The following STPG2 variants were observed in gnomAD, a reference collection of about 807,000 sequenced individuals.
The protein encoded by STPG2 is sperm tail PG-rich repeat containing 2.
Under a neutral mutation model 54.2 loss-of-function variants are expected in STPG2, and 56 were observed. That is an observed-to-expected ratio of 1.03 (90% confidence interval 0.83 to 1.29). STPG2 has a LOEUF of 1.29. Ranked by LOEUF, STPG2 falls within the 50% of genes most tolerant of loss-of-function variation. STPG2 has a pLI of 0.00. For synonymous variants in STPG2, 200 were observed against 181.8 expected (o/e 1.10, Z -0.81); for missense variants, 596 against 544.9 (o/e 1.09, Z -0.93).
intron 5 of STPG2, among the ~76,000 whole-genome samples, chr4:98,098,274 T>C (rs973158752): frequency 1.3e-5 from 2 of 151,854 alleles, no homozygotes; most frequent in African/African-American, 4.8e-5. Context: ...AAAACAGACA[T>C]GTACACTAAC....
intron 4 of STPG2, among the ~76,000 whole-genome samples, chr4:97,508,021 A>G (rs1730890096): frequency 6.6e-6 from 1 of 151,966 alleles, no homozygotes. Flanking sequence ...TCTTCTAACC[A>G]TGTGGTTAGT....
At chr4:97,863,909 A>T (rs1466342338) in intron 8 of STPG2, among the ~76,000 whole-genome samples, 1 of 152,208 alleles carries the variant, frequency 6.6e-6, no homozygotes, top group Non-Finnish European at 1.5e-5. Flanking sequence ...CCTTCATGCT[A>T]AAAACTCTCA....
chr4:97,826,036 G>A (rs1728248667), intron 9 of STPG2, among the ~76,000 whole-genome samples: 1 of 152,080 alleles, frequency 6.6e-6, no homozygotes, highest in Non-Finnish European at 1.5e-5. Flanking sequence ...TAAGGCCTGG[G>A]GTCATGTGGA....
chr4:98,127,622 C>G (rs1739866166), intron 3 of STPG2, among the ~76,000 whole-genome samples: 1 of 152,122 alleles, frequency 6.6e-6, no homozygotes, highest in South Asian at 2.1e-4. Context: ...ACAAAAATAC[C>G]ATAGGTTCGA....
At chr4:97,473,371 G>C (rs182815728) in intron 4 of STPG2, among the ~76,000 whole-genome samples, 1 of 152,060 alleles carries the variant, frequency 6.6e-6, no homozygotes, top group Admixed American at 6.6e-5. Flanking sequence ...GGTAGGCCTC[G>C]AAAATGGCCC....
chr4:97,511,348 A>G (rs2148840685), intron 4 of STPG2, among the ~76,000 whole-genome samples: 1 of 152,174 alleles, frequency 6.6e-6, no homozygotes, highest in African/African-American at 2.4e-5. Context: ...TGGTGAAAAA[A>G]ACTAAAGATA....
chr4:97,832,492 CA>C (rs2149113506), intron 9 of STPG2, among the ~76,000 whole-genome samples: 1 of 152,246 alleles, frequency 6.6e-6, no homozygotes, highest in Admixed American at 6.5e-5. Flanking sequence ...TCCTATTCAA[CA>C]TAGTATTGGA....
intron 8 of STPG2, among the ~76,000 whole-genome samples, chr4:97,853,168 C>T (rs944723049): frequency 5.3e-5 from 8 of 151,524 alleles, no homozygotes; most frequent in Non-Finnish European, 1.2e-4. Context: ...TTAGTACAGA[C>T]GGGGTTTCAC....
At chr4:98,023,446 T>C (rs1736299680) in intron 5 of STPG2, among the ~76,000 whole-genome samples, 1 of 152,192 alleles carries the variant, frequency 6.6e-6, no homozygotes, top group African/African-American at 2.4e-5. Context: ...CTGCCCCTAC[T>C]GGGGGTGCCT....
At chr4:98,023,558 G>T (rs1324511790) in intron 5 of STPG2, among the ~76,000 whole-genome samples, 1 of 152,208 alleles carries the variant, frequency 6.6e-6, no homozygotes, top group Non-Finnish European at 1.5e-5. Context: ...TCTCTTTAAA[G>T]CTGTCAGACG....
At chr4:97,790,769 G>C (rs1330685590) in intron 9 of STPG2, among the ~76,000 whole-genome samples, 1 of 152,122 alleles carries the variant, frequency 6.6e-6, no homozygotes, top group South Asian at 2.1e-4. Context: ...CATGTGATTA[G>C]ATTGGGCCCA....
intron 9 of STPG2, among the ~76,000 whole-genome samples, chr4:97,801,047 T>A (rs1209560996): frequency 6.6e-6 from 1 of 152,116 alleles, no homozygotes; most frequent in African/African-American, 2.4e-5. Context: ...AGTATTAGGG[T>A]CGGACTGACC....
At chr4:98,027,304 C>T (rs944051695) in intron 5 of STPG2, among the ~76,000 whole-genome samples, 1 of 152,108 alleles carries the variant, frequency 6.6e-6, no homozygotes, top group African/African-American at 2.4e-5. Context: ...GGATATAATT[C>T]TACCACAGTA....
At chr4:97,846,026 C>CAGCCTGAACTCAGAGG (rs1191410694) in intron 8 of STPG2, among the ~76,000 whole-genome samples, 1 of 152,152 alleles carries the variant, frequency 6.6e-6, no homozygotes, top group East Asian at 1.9e-4. Flanking sequence ...ACCTGAACCT[C>CAGCCTGAACTCAGAGG]AGCCTGAACT....
At chr4:97,819,414 T>C (rs1728015028) in intron 9 of STPG2, among the ~76,000 whole-genome samples, 1 of 152,166 alleles carries the variant, frequency 6.6e-6, no homozygotes, top group Non-Finnish European at 1.5e-5. Context: ...TCATGAGATA[T>C]GTTCAATTAA....
intron 8 of STPG2, among the ~76,000 whole-genome samples, chr4:97,884,585 A>G (rs1432031440): frequency 1.3e-5 from 2 of 152,170 alleles, no homozygotes. Flanking sequence ...GAGAAAATAA[A>G]TTTATTTTGT....
At chr4:97,631,582 G>GATGAGT (rs1349056881) in intron 10 of STPG2, among the ~76,000 whole-genome samples, 4 of 152,066 alleles carry the variant, frequency 2.6e-5, no homozygotes. Flanking sequence ...ATTTGTATTT[G>GATGAGT]ATGAGTGATT....
At chr4:98,138,151 A>G (rs1389278858) in intron 1 of STPG2, among the ~76,000 whole-genome samples, 1 of 152,068 alleles carries the variant, frequency 6.6e-6, no homozygotes, top group Non-Finnish European at 1.5e-5. Flanking sequence ...AATGAATAAG[A>G]TAAAACTCTG....
intron 8 of STPG2, among the ~76,000 whole-genome samples, chr4:97,914,802 A>ATTTG: frequency 6.6e-6 from 1 of 152,332 alleles, no homozygotes; most frequent in Non-Finnish European, 1.5e-5. Flanking sequence ...CGGCATTCAA[A>ATTTG]AAGTTTCAGA....
Sources: gnomAD v4.1 joint callset for allele counts (sites outside exome capture counted in the v4.1 genomes callset) on GRCh38, gnomAD v4.1.1 for gene constraint, MANE v1.5 for transcripts, NCBI Gene and HGNC (gene_info 2026-07-23, HGNC 2026-07-21) for gene names.